TM4SF1: variants seen among roughly 807,000 people sequenced by gnomAD.
The protein encoded by TM4SF1 is transmembrane 4 L six family member 1, also known as transmembrane 4 L6 family member 1.
A neutral mutation model predicts 24.5 loss-of-function variants in TM4SF1; 20 were observed. The ratio of observed to expected loss-of-function variants is 0.82; its 90% confidence interval spans 0.57 to 1.19. The LOEUF (loss-of-function observed/expected upper bound fraction) is 1.19. TM4SF1 is among the 50% of genes most tolerant of loss of function. The pLI is 0.00. For synonymous variants in TM4SF1, 107 were observed against 95.4 expected, an observed-to-expected ratio of 1.12 and a Z score of -0.71; for missense variants, 258 against 248.1, an observed-to-expected ratio of 1.04 and a Z score of -0.27.
chr3:149,375,619 C>T (rs750529700), intron 2 of TM4SF1, 31 bp from the exon 3 acceptor site: 1 of 1,614,138 alleles, frequency 6.2e-7, no homozygotes, highest in Non-Finnish European at 8.5e-7. Context: ...AGGAAGTGAG[C>T]CACAGAGTGC....
rs1014884389 is a variant in TM4SF1 at position 149,376,559 on chromosome 3, T to C, written c.178-790A>G. On this transcript the variant is annotated intron_variant, in intron 1 of 4. Transcript: ENST00000305366. ...TTAAATAAATAATTTAGGGCAGATT[T>C]GCCATGCCATAATCAGTGTATTAGG... 4.6e-5 allele frequency among the ~76,000 whole-genome samples: 7 copies of C among 152,228 alleles called. No individual in the cohort carries two copies. The South Asian group carries it at 1.4e-3, about 32-fold the overall frequency.
chr3:149,375,851 AT>A, intron 1 of TM4SF1, 82 bp from the exon 2 acceptor site: 1 of 1,274,348 alleles, frequency 7.8e-7, no homozygotes, highest in Non-Finnish European at 1.1e-6. Flanking sequence ...GGTAAAATAT[AT>A]TTATTTCCAA....
At position 149,375,756 on chromosome 3, in the gene TM4SF1, G is replaced by A. The variant is rs746452273; in HGVS notation, c.191C>T (p.Ala64Val). 1.2e-6 allele frequency: 2 copies of A among 1,614,196 alleles called. No individual in the cohort carries two copies. Among genetic ancestry groups the A allele is most frequent in the South Asian group, 1.1e-5 (1 of 91,088 alleles). Residue 64 changes from alanine (A) to valine (V), a missense_variant, in exon 2 of 5, where the codon GCA (alanine) becomes GTA (valine). Ala to Val is a moderately conservative substitution (Grantham distance 64, BLOSUM62 0). Coordinates refer to ENST00000305366, the MANE Select transcript of TM4SF1 (RefSeq NM_014220.3). ...VGGGLLMLLP[A>V]FVFIGLEQDD... The stretch of plus-strand genomic sequence containing the variant: ...CTGTTCCAGCCCAATGAAGACAAAT[G>A]CTGGCAGGAGCATCTGGTTAGGAAA...
At chr3:149,369,956 T>C in intron 4 of TM4SF1, 76 bp from the exon 5 acceptor site, 1 of 1,538,696 alleles carries the variant, frequency 6.5e-7, no homozygotes, top group Non-Finnish European at 8.8e-7. Context: ...TAAGTTCCTA[T>C]TTTAAGCAAA....
At chr3:149,375,982 T>A (rs1731942966) in intron 1 of TM4SF1, among the ~76,000 whole-genome samples, 1 of 152,252 alleles carries the variant, frequency 6.6e-6, no homozygotes, top group Admixed American at 6.5e-5. Context: ...CAAAGCATTT[T>A]TTAGGGTGAG....
In TM4SF1 at chr3:149,369,311, G is replaced by T. The variant is rs1376076306; in HGVS notation, c.*555C>A. On this transcript the variant is annotated 3_prime_UTR_variant, in exon 5 of 5. Coordinates refer to ENST00000305366, the MANE Select transcript of TM4SF1 (RefSeq NM_014220.3). ...AGTTGTGATGCATTCATTTGGATTGGAACATTCTCAATCAGTCCTTCCACT... is the reference window on the plus strand; with the variant it reads ...AGTTGTGATGCATTCATTTGGATTGTAACATTCTCAATCAGTCCTTCCACT... 1 of 152,876 alleles carries T rather than the reference G, an allele frequency of 6.5e-6. No individual in the cohort carries two copies. Among genetic ancestry groups the T allele is most frequent in the African/African-American group, 2.4e-5 (1 of 41,418 alleles). The allele number at this position is 152,876 out of a possible 1,614,324, so 9.5% of individuals were successfully genotyped here.
intron 3 of TM4SF1, among the ~76,000 whole-genome samples, chr3:149,373,980 A>T (rs1731892688): frequency 6.6e-6 from 1 of 152,240 alleles, no homozygotes; most frequent in Non-Finnish European, 1.5e-5. Context: ...TTCTGATAAA[A>T]GCTGAGTCAT....
intron 1 of TM4SF1, among the ~76,000 whole-genome samples, chr3:149,376,919 C>A (rs978078539): frequency 3.3e-5 from 5 of 152,194 alleles, no homozygotes; most frequent in Non-Finnish European, 5.9e-5. Flanking sequence ...TTTAAAATAG[C>A]AATGCACTCA....
At chr3:149,372,736 G>A (rs1163005778) in intron 3 of TM4SF1, among the ~76,000 whole-genome samples, 1 of 152,116 alleles carries the variant, frequency 6.6e-6, no homozygotes. Context: ...CCATTCTCCT[G>A]CCTCAGCCTC....
At chr3:149,374,755 G>T (rs1042784585) in intron 3 of TM4SF1, among the ~76,000 whole-genome samples, 6 of 152,194 alleles carry the variant, frequency 3.9e-5, no homozygotes, top group African/African-American at 1.2e-4. Context: ...ACAGGGGTAA[G>T]GGCATGGTTT....
Position 149,375,706 on chromosome 3 carries a change from G to GGCCACAGCA in TM4SF1, c.232_240dup (p.Cys78_Gly80dup), listed in dbSNP as rs754048335. The GGCCACAGCA allele has an allele frequency of 3.3e-5, 53 of 1,614,102 alleles. No individual in the cohort carries two copies. The highest frequency in any genetic ancestry group is 6.7e-5 in the Admixed American group (4 of 60,004). On this transcript the variant is annotated inframe_insertion, in exon 2 of 5. Transcript: ENST00000305366. Reference sequence around the variant, plus strand: ...GCACATCGTTTGCCACAGTTTTCATGGCCACAGCAGCCACAGCAGTCATCC... The same window carrying GGCCACAGCA: ...GCACATCGTTTGCCACAGTTTTCATGGCCACAGCAGCCACAGCAGCCACAGCAGTCATCC...
Position 149,369,264 on chromosome 3 carries a change from C to G in TM4SF1, c.*602G>C, listed in dbSNP as rs564356402. On this transcript the variant is annotated 3_prime_UTR_variant, in exon 5 of 5. Transcript: ENST00000305366. Reference sequence around the variant, plus strand: ...AGAAAAATTTGAATCTCATAGTACTCACAACAATGAGCAGCATTGTAAGTT... The same window carrying G: ...AGAAAAATTTGAATCTCATAGTACTGACAACAATGAGCAGCATTGTAAGTT... 3.3e-5 allele frequency: 5 copies of G among 152,578 alleles called. No individual in the cohort carries two copies. Among genetic ancestry groups the G allele is most frequent in the African/African-American group, 1.2e-4 (5 of 41,566 alleles). 9.5% of individuals were successfully genotyped at this position (152,578 alleles called of 1,614,324 possible).
At chr3:149,376,490 G>A (rs1731957496) in intron 1 of TM4SF1, among the ~76,000 whole-genome samples, 2 of 152,082 alleles carry the variant, frequency 1.3e-5, no homozygotes, top group African/African-American at 2.4e-5. Context: ...GCAACATGGC[G>A]AAACCCCGTC....
intron 3 of TM4SF1, 50 bp from the exon 4 acceptor site, chr3:149,371,917 A>G: frequency 1.3e-6 from 2 of 1,541,410 alleles, no homozygotes; most frequent in Non-Finnish European, 8.9e-7. Context: ...TTGAGGGGAT[A>G]CTTCATAAAC....
chr3:149,375,614 G>A, intron 2 of TM4SF1, 26 bp from the exon 3 acceptor site: 1 of 1,614,182 alleles, frequency 6.2e-7, no homozygotes, highest in Non-Finnish European at 8.5e-7. Context: ...CACACAGGAA[G>A]TGAGCCACAG....
chr3:149,370,191 T>G, intron 4 of TM4SF1: 1 of 267,074 alleles, frequency 3.7e-6, no homozygotes, highest in South Asian at 5.2e-5. Flanking sequence ...GCCATGGAAG[T>G]TTCACACTGG....
chr3:149,374,691 G>A (rs1328050165), intron 3 of TM4SF1, among the ~76,000 whole-genome samples: 1 of 152,196 alleles, frequency 6.6e-6, no homozygotes, highest in East Asian at 1.9e-4. Flanking sequence ...TACATAGTTT[G>A]TATGTTTTAT....
rs1162460446 is a variant in TM4SF1 at position 149,375,524 on chromosome 3, GC to G, written c.331del (p.Ala111GlnfsTer5). On this transcript the variant is annotated frameshift_variant, in exon 3 of 5. Transcript: ENST00000305366. LOFTEE classifies it high-confidence loss of function. ...IAGSGYCVIV[A>X]ALGLAEGPLC... is the part of the protein sequence containing the mutation. The stretch of plus-strand genomic sequence containing the variant: ...TGGTCCTTCTGCTAAGCCAAGGGCT[GC>G]CACAATGACACAGTAGCCAGATCCT... 4 of 1,614,220 alleles carry G rather than the reference GC, an allele frequency of 2.5e-6. No individual in the cohort carries two copies. In the South Asian group the frequency reaches 4.4e-5, roughly 18 times the overall value.
intron 4 of TM4SF1, chr3:149,371,399 A>C (rs1360618618): frequency 1.8e-6 from 1 of 569,216 alleles, no homozygotes; most frequent in East Asian, 2.9e-5. Flanking sequence ...CTGCAGCGAG[A>C]GCAGAGGCAG....
Sources: gnomAD v4.1 joint callset for allele counts (sites outside exome capture counted in the v4.1 genomes callset) on GRCh38, gnomAD v4.1.1 for gene constraint, MANE v1.5 for transcripts, NCBI Gene and HGNC (gene_info 2026-07-23, HGNC 2026-07-21) for gene names.